UCN3: variants seen among roughly 807,000 people sequenced by gnomAD.
UCN3 encodes urocortin-3.
UCN3 carries 3 observed loss-of-function variants against 3.6 expected under a neutral mutation model. The observed-to-expected ratio is 0.83, with a 90% confidence interval of 0.38 to 2.15. UCN3 has a LOEUF of 2.15. UCN3 is among the 30% of genes most tolerant of loss of function. The pLI is 0.06. For missense variants in UCN3, 206 were observed against 208.3 expected (o/e 0.99, Z 0.07); for synonymous variants, 100 against 93.2 (o/e 1.07, Z -0.42).
Position 5,366,210 on chromosome 10 carries a change from A to G in UCN3, c.-7+980A>G, listed in dbSNP as rs1834116582. 6.6e-6 allele frequency among the ~76,000 whole-genome samples: 1 copy of G among 152,194 alleles called. No homozygotes were observed. The stretch of plus-strand genomic sequence containing the variant: ...AATTGGAGGCTGACCCAGGTCCCTC[A>G]CGTTTCAGTGCTTGGCTCTGCCACA... On this transcript the variant is annotated intron_variant, in intron 1 of 1. Coordinates refer to ENST00000380433, the MANE Select transcript of UCN3 (RefSeq NM_053049.4). This position sits in a 1 kb window ranked among gnomAD's most constrained non-coding sequence, Gnocchi z 4.2.
intron 1 of UCN3, among the ~76,000 whole-genome samples, chr10:5,371,186 T>C (rs1831421623): frequency 6.6e-6 from 1 of 151,414 alleles, no homozygotes; most frequent in Admixed American, 6.6e-5. Flanking sequence ...TGTGCATATG[T>C]GTACGTGTGA....
rs782213578 is a variant in UCN3, at chr10:5,373,770, G to A, written c.50G>A (p.Gly17Asp). 1.1e-5 allele frequency: 18 copies of A among 1,613,800 alleles called. No homozygotes were observed. In the African/African-American group the frequency reaches 1.7e-4, roughly 16 times the overall value. ...CTGCTCCTGCTGCTGCTCCTGGGGG[G>A]CCCCAGGACAGGCCTCCCCCACAAG... is the stretch of plus-strand genomic sequence containing the variant. ...FLLLLLLLLG[G>D]PRTGLPHKFY... The change falls in exon 2 of 2, where the codon GGC becomes GAC. Residue 17 changes from glycine to aspartate, a missense_variant. By Grantham distance (94) the Gly-to-Asp change is moderately conservative. Transcript: ENST00000380433.
In UCN3 at chr10:5,367,170, G is replaced by C. The variant is rs1834125675; in HGVS notation, c.-7+1940G>C. 6.6e-6 allele frequency among the ~76,000 whole-genome samples: 1 copy of C among 152,206 alleles called. No individual in the cohort carries two copies. Among genetic ancestry groups the C allele is most frequent in the Non-Finnish European group, 1.5e-5 (1 of 68,042 alleles). ...GCACTTCCAGGGAACACATCCAGAG[G>C]CTAGCCCATTGCAAGGGAAAACCTG... On this transcript the variant is annotated intron_variant, in intron 1 of 1. Coordinates refer to ENST00000380433, the MANE Select transcript of UCN3 (RefSeq NM_053049.4). The surrounding 1 kb of genome is among the most constrained non-coding windows in gnomAD (Gnocchi z 4.3).
chr10:5,370,109 ATATGTGTGTG>A lies in UCN3; in HGVS notation c.-6-3581_-6-3572del, dbSNP rs1184252897. 3.3e-3 allele frequency among the ~76,000 whole-genome samples: 193 copies of A among 58,206 alleles called. 25 individuals carry two copies. The highest frequency in any genetic ancestry group is 5.6e-3 in the African/African-American group (60 of 10,762). 38.2% of individuals were successfully genotyped at this position (58,206 alleles called of 152,430 possible). ...TATATGCGTGTGTATATGCGTGTGTATATGTGTGTGTATGTGTGTGTATGTGTGTGTATGC... is the reference window on the plus strand; with the variant it reads ...TATATGCGTGTGTATATGCGTGTGTATATGTGTGTGTATGTGTGTGTATGC... On this transcript the variant is annotated intron_variant, in intron 1 of 1. Coordinates refer to ENST00000380433, the MANE Select transcript of UCN3 (RefSeq NM_053049.4).
intron 1 of UCN3, 41 bp from the exon 2 acceptor site, chr10:5,373,674 C>T: frequency 6.3e-7 from 1 of 1,588,736 alleles, no homozygotes; most frequent in Non-Finnish European, 8.6e-7. Flanking sequence ...AGCACCACGC[C>T]CCTCCCATGC....
intron 1 of UCN3, among the ~76,000 whole-genome samples, chr10:5,370,587 ATATG>A (rs1181136477): frequency 1.1e-4 from 7 of 61,660 alleles, no homozygotes; most frequent in African/African-American, 3.6e-4. Flanking sequence ...ATATGTGTGT[ATATG>A]TGTGTGTGTA....
chr10:5,373,976 G>T lies in UCN3; in HGVS notation c.256G>T (p.Ala86Ser). Residue 86 changes from alanine (A) to serine (S), a missense_variant, in exon 2 of 2, where the codon GCC (alanine) becomes TCC (serine). By Grantham distance (99) the Ala-to-Ser change is moderately conservative. Coordinates refer to ENST00000380433, the MANE Select transcript of UCN3 (RefSeq NM_053049.4). ...GAAAAAGACTTTCCCCATCTCTGGG[G>T]CCAGGGGTGGAGCCAGAGGCACCCG... ...KEKKTFPISG[A>S]RGGARGTRYR... is the part of the protein sequence containing the mutation. The T allele has an allele frequency of 1.2e-6, 2 of 1,610,524 alleles. No individual in the cohort carries two copies. The highest frequency in any genetic ancestry group is 1.7e-6 in the Non-Finnish European group (2 of 1,178,402).
At chr10:5,368,005 AATTT>A (rs1419483539) in intron 1 of UCN3, among the ~76,000 whole-genome samples, 2 of 151,832 alleles carry the variant, frequency 1.3e-5, no homozygotes, top group African/African-American at 2.4e-5. Context: ...TAATTTTTTT[AATTT>A]ATTTATTTTT....
In UCN3 at chr10:5,370,455, GTA is replaced by G. The variant is rs781819887; in HGVS notation, c.-6-3256_-6-3255del. 1.1e-3 allele frequency among the ~76,000 whole-genome samples: 100 copies of G among 90,934 alleles called. 9 individuals carry two copies. The highest frequency in any genetic ancestry group is 1.7e-3 in the Admixed American group (12 of 7,240). 59.7% of individuals were successfully genotyped at this position (90,934 alleles called of 152,430 possible). On this transcript the variant is annotated intron_variant, in intron 1 of 1. Coordinates refer to ENST00000380433, the MANE Select transcript of UCN3 (RefSeq NM_053049.4). ...TGTATATGCGTGTGTATGTGTGTGT[GTA>G]TATGTGTGTATATGCGTGTGTATAT... is the stretch of plus-strand genomic sequence containing the variant.
At chr10:5,370,726 GCGTGTGTATA>G (rs1831390549) in intron 1 of UCN3, among the ~76,000 whole-genome samples, 2 of 121,440 alleles carry the variant, frequency 1.6e-5, no homozygotes, top group Non-Finnish European at 1.6e-5. Flanking sequence ...GTGTGTATAT[GCGTGTGTATA>G]TGTGTGTGTA....
chr10:5,371,101 T>G (rs1554811492), intron 1 of UCN3, among the ~76,000 whole-genome samples: 1 of 151,412 alleles, frequency 6.6e-6, no homozygotes, highest in Non-Finnish European at 1.5e-5. Flanking sequence ...TGTATGGTTG[T>G]GTGTATGCAT....
At chr10:5,370,679 G>GTGTGTGTA (rs1564443367) in intron 1 of UCN3, among the ~76,000 whole-genome samples, 1 of 98,624 alleles carries the variant, frequency 1.0e-5, no homozygotes, top group African/African-American at 3.6e-5. Context: ...GTGTGTATGT[G>GTGTGTGTA]TGTGTGTATG....
Position 5,365,922 on chromosome 10 carries a change from G to A in UCN3, c.-7+692G>A, listed in dbSNP as rs1178171971. Among the ~76,000 whole-genome samples, 4 of 152,302 alleles carry A rather than the reference G, an allele frequency of 2.6e-5. No individual in the cohort carries two copies. The highest frequency in any genetic ancestry group is 4.1e-4 in the South Asian group (2 of 4,820). On this transcript the variant is annotated intron_variant, in intron 1 of 1. Coordinates refer to ENST00000380433, the MANE Select transcript of UCN3 (RefSeq NM_053049.4). This position sits in a 1 kb window ranked among gnomAD's most constrained non-coding sequence, Gnocchi z 4.4. ...AATGGCTAACTCCTACCTGTGAAGG[G>A]GAGATGGATGTTTGATGTTTATGTT...
rs1564443358 is a variant in UCN3 at position 5,370,667 on chromosome 10, GTGTGTGTATGTGTGTGTGTA to G, written c.-6-3038_-6-3019del. Among the ~76,000 whole-genome samples, 74 of 46,888 alleles carry G rather than the reference GTGTGTGTATGTGTGTGTGTA, an allele frequency of 1.6e-3. 10 individuals are homozygous for G. The highest frequency in any genetic ancestry group is 2.6e-3 in the Non-Finnish European group (61 of 23,580). The allele number at this position is 46,888 out of a possible 152,430, so 30.8% of individuals were successfully genotyped here. On this transcript the variant is annotated intron_variant, in intron 1 of 1. Coordinates refer to ENST00000380433, the MANE Select transcript of UCN3 (RefSeq NM_053049.4). ...TATATGTGTGTGTATGTGTGTGTAT[GTGTGTGTATGTGTGTGTGTA>G]TGTGTGTATATGTGTGTGTATATGA...
rs1168397570 is a variant in UCN3, at chr10:5,371,155, A to G, written c.-6-2560A>G. 4.0e-5 allele frequency among the ~76,000 whole-genome samples: 6 copies of G among 149,810 alleles called. No individual in the cohort carries two copies. The South Asian group carries it at 8.4e-4, about 21-fold the overall frequency. ...TGTGTGTGCATATGTGTGCATGTAT[A>G]TGTGTGTGCATGTGTATGTATGTGC... is the stretch of plus-strand genomic sequence containing the variant. On this transcript the variant is annotated intron_variant, in intron 1 of 1. Transcript: ENST00000380433.
rs1279926814 is a variant in UCN3, at chr10:5,374,320, G to A, written c.*114G>A. The A allele has an allele frequency of 1.9e-6, 2 of 1,034,074 alleles. No homozygotes were observed. The highest frequency in any genetic ancestry group is 2.8e-6 in the Non-Finnish European group (2 of 724,350). The allele number at this position is 1,034,074 out of a possible 1,614,324, so 64.1% of individuals were successfully genotyped here. ...CTGTCTGCTGGTTTGTGTTTTGTGG[G>A]ATCAGTCAGTTTTACAGGTTGCTGC... is the stretch of plus-strand genomic sequence containing the variant. On this transcript the variant is annotated 3_prime_UTR_variant, in exon 2 of 2. Transcript: ENST00000380433.
Position 5,370,351 on chromosome 10 carries a change from A to G in UCN3, c.-6-3364A>G, listed in dbSNP as rs368317589. On this transcript the variant is annotated intron_variant, in intron 1 of 1. Coordinates refer to ENST00000380433, the MANE Select transcript of UCN3 (RefSeq NM_053049.4). ...TATGCGTGTGTATATGCGTGTGTAT[A>G]TGTGTGTGTATATGCGTGTGTATAT... is the stretch of plus-strand genomic sequence containing the variant. Among the ~76,000 whole-genome samples, 47 of 30,550 alleles carry G rather than the reference A, an allele frequency of 1.5e-3. 1 individual carries two copies. The highest frequency in any genetic ancestry group is 2.4e-3 in the African/African-American group (13 of 5,340). 20.0% of individuals were successfully genotyped at this position (30,550 alleles called of 152,430 possible).
At chr10:5,370,375 A>G (rs797032141) in intron 1 of UCN3, among the ~76,000 whole-genome samples, 7 of 28,610 alleles carry the variant, frequency 2.4e-4, no homozygotes, top group South Asian at 2.0e-3. Flanking sequence ...GCGTGTGTAT[A>G]TGCGTGTATA....
rs1834103685 is a variant in UCN3 at position 5,365,134 on chromosome 10, C to T, written c.-103C>T. 6.6e-6 allele frequency: 1 copy of T among 152,370 alleles called. No homozygotes were observed. The highest frequency in any genetic ancestry group is 2.4e-5 in the African/African-American group (1 of 41,462). The allele number at this position is 152,370 out of a possible 1,614,324, so 9.4% of individuals were successfully genotyped here. On this transcript the variant is annotated 5_prime_UTR_variant, in exon 1 of 2. Transcript: ENST00000380433. The surrounding 1 kb of genome is among the most constrained non-coding windows in gnomAD (Gnocchi z 4.4). ...GCAGGAGCCGAGACCCCGGAGCAGC[C>T]ACAAGTTCATGGGGACGTGCACGGG...
Sources: allele counts gnomAD v4.1 joint callset (sites outside exome capture counted in the v4.1 genomes callset), GRCh38; gene constraint gnomAD v4.1.1; non-coding constraint Gnocchi (gnomAD v3.1); transcripts MANE v1.5; gene names NCBI Gene and HGNC (gene_info 2026-07-23, HGNC 2026-07-21).